The following PTPRN2 variants were observed in gnomAD, a reference collection of about 807,000 sequenced individuals.
PTPRN2 encodes the protein receptor-type tyrosine-protein phosphatase N2.
A neutral mutation model predicts 118.8 loss-of-function variants in PTPRN2; 74 were observed. The ratio of observed to expected loss-of-function variants is 0.62; its 90% CI spans 0.52 to 0.76. The LOEUF (loss-of-function observed/expected upper bound fraction) is 0.76, where lower values mean the gene tolerates loss of function less well. Among genes scored for constraint, PTPRN2 ranks in the 30% least tolerant of loss-of-function variants. The pLI is 0.00. For missense variants in PTPRN2, 1,481 were observed against 1,394.4 expected, an observed-to-expected ratio of 1.06 and a Z score of -0.99; for synonymous variants, 641 against 608.0, an observed-to-expected ratio of 1.05 and a Z score of -0.80.
At chr7:158,416,236 A>C (rs538338623) in intron 2 of PTPRN2, among the ~76,000 whole-genome samples, 1 of 152,358 alleles carries the variant, frequency 6.6e-6, no homozygotes, top group East Asian at 1.9e-4. Flanking sequence ...CTCCATAGTC[A>C]GCCAGGCTTG....
chr7:158,488,831 G>GC (rs963962120), intron 2 of PTPRN2, among the ~76,000 whole-genome samples: 1 of 152,276 alleles, frequency 6.6e-6, no homozygotes, highest in African/African-American at 2.4e-5. Flanking sequence ...CGCTCAGTGC[G>GC]CCCCGGGCCC....
chr7:158,449,790 C>T (rs921833682), intron 2 of PTPRN2, among the ~76,000 whole-genome samples: 2 of 152,228 alleles, frequency 1.3e-5, no homozygotes, highest in Admixed American at 1.3e-4. Flanking sequence ...CATTCACAAT[C>T]GCATAATCCC....
intron 6 of PTPRN2, among the ~76,000 whole-genome samples, chr7:158,146,615 G>A (rs1158546992): frequency 6.7e-6 from 1 of 150,278 alleles, no homozygotes; most frequent in African/African-American, 2.5e-5. Context: ...CAGCTACTCA[G>A]GAGCCTGAGG....
At chr7:158,308,681 GAATT>G (rs1175514182) in intron 3 of PTPRN2, among the ~76,000 whole-genome samples, 1 of 25,272 alleles carries the variant, frequency 4.0e-5, no homozygotes, top group African/African-American at 7.4e-5. Context: ...ATGTTAATTT[GAATT>G]AATAATTAAA....
chr7:157,994,248 C>T (rs558978914), intron 11 of PTPRN2, among the ~76,000 whole-genome samples: 3 of 152,296 alleles, frequency 2.0e-5, no homozygotes, highest in African/African-American at 7.2e-5. Context: ...CACTGGGTGG[C>T]AATGGTAACC....
At chr7:158,250,570 ACAC>A (rs1420844734) in intron 3 of PTPRN2, among the ~76,000 whole-genome samples, 6 of 152,100 alleles carry the variant, frequency 3.9e-5, no homozygotes, top group African/African-American at 1.4e-4. Flanking sequence ...ACACGTACAC[ACAC>A]ATCCCCCCCA....
chr7:158,319,106 ACTTT>A (rs1210576707), intron 2 of PTPRN2, among the ~76,000 whole-genome samples: 1 of 152,148 alleles, frequency 6.6e-6, no homozygotes, highest in African/African-American at 2.4e-5. Context: ...TTTCTTGAAA[ACTTT>A]CTTTTAAACA....
chr7:158,026,177 T>TGTG (rs1807254193), intron 11 of PTPRN2, among the ~76,000 whole-genome samples: 1 of 152,228 alleles, frequency 6.6e-6, no homozygotes, highest in African/African-American at 2.4e-5. Flanking sequence ...ATTTAGGCTT[T>TGTG]GTGGTTTCAT....
intron 2 of PTPRN2, among the ~76,000 whole-genome samples, chr7:158,375,411 G>T (rs574603521): frequency 4.3e-4 from 66 of 152,370 alleles, no homozygotes; most frequent in Non-Finnish European, 7.5e-4. Flanking sequence ...ATGCAAGGCA[G>T]CCAGGCTCAA....
rs111495583 is a variant in PTPRN2, at chr7:157,785,268, C to T, written c.1789-102331G>A. On this transcript the variant is annotated intron_variant, in intron 12 of 22. Coordinates refer to ENST00000389418, the MANE Select transcript of PTPRN2 (RefSeq NM_002847.5). This position sits in a 1 kb window ranked among gnomAD's most constrained non-coding sequence, Gnocchi z 7.3. ...GGGGTGCGGCCTGCCCTGTCTGGGG[C>T]GCCAAGGCCAGTGGTGTAAATCCAC... Among the ~76,000 whole-genome samples the T allele has an allele frequency of 2.5e-3, 378 of 152,272 alleles. 1 individual carries two copies. The highest frequency in any genetic ancestry group is 4.1e-3 in the Non-Finnish European group (277 of 68,012).
intron 1 of PTPRN2, among the ~76,000 whole-genome samples, chr7:158,501,049 A>G (rs1822324851): frequency 6.6e-6 from 1 of 152,244 alleles, no homozygotes; most frequent in African/African-American, 2.4e-5. Context: ...TGAGGCTCGG[A>G]GCACTCAGGG....
At chr7:158,344,878 C>A in intron 2 of PTPRN2, among the ~76,000 whole-genome samples, 1 of 152,166 alleles carries the variant, frequency 6.6e-6, no homozygotes, top group Admixed American at 6.5e-5. Flanking sequence ...TCACTGCTTC[C>A]CTGTTGGTTT....
chr7:157,851,802 G>C (rs949982088), intron 12 of PTPRN2, among the ~76,000 whole-genome samples: 3 of 152,256 alleles, frequency 2.0e-5, no homozygotes, highest in African/African-American at 7.2e-5. Flanking sequence ...ACAGTGATGT[G>C]AGACGCTCAC....
intron 12 of PTPRN2, among the ~76,000 whole-genome samples, chr7:157,882,465 C>G (rs572950960): frequency 6.6e-6 from 1 of 151,552 alleles, no homozygotes; most frequent in East Asian, 2.0e-4. Flanking sequence ...GAACAGAACA[C>G]ACCACCCCCA....
intron 5 of PTPRN2, among the ~76,000 whole-genome samples, chr7:158,185,575 T>C (rs1470153521): frequency 6.6e-6 from 1 of 152,268 alleles, no homozygotes; most frequent in Non-Finnish European, 1.5e-5. Context: ...CTTAATGAAT[T>C]GACCATTTAG....
chr7:158,371,683 A>G (rs1052914301), intron 2 of PTPRN2, among the ~76,000 whole-genome samples: 9 of 152,208 alleles, frequency 5.9e-5, no homozygotes, highest in Admixed American at 5.9e-4. Context: ...TTTCACTTCT[A>G]GGGGAATGTT....
At chr7:158,343,622 C>CGGCTGCTCCCGGTG (rs1807247760) in intron 2 of PTPRN2, among the ~76,000 whole-genome samples, 2 of 149,000 alleles carry the variant, frequency 1.3e-5, no homozygotes, top group African/African-American at 5.0e-5. Flanking sequence ...TGGGCTGTCG[C>CGGCTGCTCCCGGTG]GACTGCTCCC....
intron 12 of PTPRN2, among the ~76,000 whole-genome samples, chr7:157,793,583 C>T (rs978937093): frequency 1.3e-5 from 2 of 152,192 alleles, no homozygotes; most frequent in South Asian, 2.1e-4. Flanking sequence ...TTCATTCCCA[C>T]GTGGGATTCT....
chr7:158,406,102 G>A lies in PTPRN2; in HGVS notation c.163+83633C>T, dbSNP rs866339994. Among the ~76,000 whole-genome samples, 9 of 79,056 alleles carry A rather than the reference G, an allele frequency of 1.1e-4. No homozygotes were observed. The East Asian group carries it at 2.3e-3, about 20-fold the overall frequency. 51.9% of individuals were successfully genotyped at this position (79,056 alleles called of 152,430 possible). A position where few individuals can be genotyped will look rare whatever the true frequency, so the allele number is the denominator to read the frequency against. On this transcript the variant is annotated intron_variant, in intron 2 of 22. Coordinates refer to ENST00000389418, the MANE Select transcript of PTPRN2 (RefSeq NM_002847.5). The stretch of plus-strand genomic sequence containing the variant: ...TGGCTCATCCATGAGACACGTGGCC[G>A]CACACTGAGATCCCGGTGGCTCATC...
Sources: allele counts gnomAD v4.1 joint callset (sites outside exome capture counted in the v4.1 genomes callset), GRCh38; gene constraint gnomAD v4.1.1; non-coding constraint Gnocchi (gnomAD v3.1); transcripts MANE v1.5; gene names NCBI Gene and HGNC (gene_info 2026-07-23, HGNC 2026-07-21).